Variants in ASIC2 observed in about 807,000 individuals in gnomAD.
ASIC2 encodes acid-sensing ion channel 2.
Under a neutral mutation model 57.3 loss-of-function variants are expected in ASIC2, and 25 were observed. That is an observed-to-expected ratio of 0.44 (90% CI 0.32 to 0.61). The LOEUF (loss-of-function observed/expected upper bound fraction) is 0.61. Ranked by LOEUF, ASIC2 falls within the 20% of genes least tolerant of loss-of-function variation. The pLI, the probability that ASIC2 is intolerant of heterozygous loss-of-function variation, is 0.06. For synonymous variants in ASIC2, 319 were observed against 307.5 expected, an observed-to-expected ratio of 1.04 and a Z score of -0.39; for missense variants, 641 against 738.1, an observed-to-expected ratio of 0.87 and a Z score of 1.52.
intron 1 of ASIC2, among the ~76,000 whole-genome samples, chr17:33,549,661 C>T (rs1226107961): frequency 2.6e-5 from 4 of 152,146 alleles, no homozygotes; most frequent in African/African-American, 4.8e-5. Context: ...AGATCCTTGG[C>T]ATTATGAAAG....
chr17:33,921,329 G>T (rs538778608), intron 1 of ASIC2, among the ~76,000 whole-genome samples: 1 of 152,214 alleles, frequency 6.6e-6, no homozygotes, highest in Admixed American at 6.5e-5. Flanking sequence ...GCAAGCAGAG[G>T]TCCTACCATG....
chr17:33,891,152 C>A (rs1227261987), intron 1 of ASIC2, among the ~76,000 whole-genome samples: 1 of 152,192 alleles, frequency 6.6e-6, no homozygotes, highest in African/African-American at 2.4e-5. Context: ...CCACCCTGTG[C>A]ACATCTGAAC....
intron 7 of ASIC2, among the ~76,000 whole-genome samples, chr17:33,019,887 CAGAG>C (rs1304675443): frequency 6.6e-6 from 1 of 151,640 alleles, no homozygotes; most frequent in Non-Finnish European, 1.5e-5. Context: ...AGCAGAGAGA[CAGAG>C]AAAGACTGTG....
intron 1 of ASIC2, among the ~76,000 whole-genome samples, chr17:33,122,330 T>G (rs2092305718): frequency 6.6e-6 from 1 of 152,164 alleles, no homozygotes; most frequent in Non-Finnish European, 1.5e-5. Flanking sequence ...GGAGCACATC[T>G]TAGTCTACGT....
intron 1 of ASIC2, among the ~76,000 whole-genome samples, chr17:33,200,197 T>G (rs1241300877): frequency 6.6e-6 from 1 of 152,190 alleles, no homozygotes; most frequent in African/African-American, 2.4e-5. Flanking sequence ...GAAATGGCTT[T>G]TTCTTCTTCT....
chr17:33,294,206 A>G (rs1168348540), upstream of ASIC2, among the ~76,000 whole-genome samples: 1 of 152,070 alleles, frequency 6.6e-6, no homozygotes, highest in African/African-American at 2.4e-5. Flanking sequence ...ACTCCATGAG[A>G]TAAAGGGGTT....
chr17:33,400,309 C>G (rs975526345), intron 1 of ASIC2, among the ~76,000 whole-genome samples: 1 of 152,186 alleles, frequency 6.6e-6, no homozygotes, highest in Non-Finnish European at 1.5e-5. Context: ...AAGCAGTGCT[C>G]AGGGAATCTG....
chr17:33,956,068 C>T (rs1904725425), intron 1 of ASIC2, among the ~76,000 whole-genome samples: 1 of 151,928 alleles, frequency 6.6e-6, no homozygotes, highest in Non-Finnish European at 1.5e-5. Flanking sequence ...AAGGTAGAGA[C>T]AAGTCAGAGG....
intron 1 of ASIC2, among the ~76,000 whole-genome samples, chr17:33,490,515 G>C (rs966018912): frequency 3.3e-5 from 5 of 152,186 alleles, no homozygotes; most frequent in African/African-American, 1.2e-4. Flanking sequence ...TTGAATCATG[G>C]GAGCAAGTGT....
intron 1 of ASIC2, among the ~76,000 whole-genome samples, chr17:33,896,984 G>C (rs978775501): frequency 6.6e-6 from 1 of 152,120 alleles, no homozygotes; most frequent in Non-Finnish European, 1.5e-5. Context: ...GAAGCTAGTT[G>C]GTCCTATTGA....
At chr17:34,009,201 C>T (rs1906630729) in intron 1 of ASIC2, among the ~76,000 whole-genome samples, 1 of 152,080 alleles carries the variant, frequency 6.6e-6, no homozygotes. Context: ...TGAACAGAGA[C>T]TATCGCCCTC....
chr17:33,283,813 C>T (rs1905050691), intron 1 of ASIC2, among the ~76,000 whole-genome samples: 1 of 152,126 alleles, frequency 6.6e-6, no homozygotes, highest in South Asian at 2.1e-4. Flanking sequence ...ACATCCTATC[C>T]AGGTATAATA....
intron 3 of ASIC2, among the ~76,000 whole-genome samples, chr17:33,029,159 C>A (rs1437689212): frequency 6.6e-6 from 1 of 152,164 alleles, no homozygotes; most frequent in African/African-American, 2.4e-5. Flanking sequence ...ATACAATGTA[C>A]AAATATTAAG....
At chr17:34,000,822 A>T (rs774442491) in intron 1 of ASIC2, 1 of 151,862 alleles carries the variant, frequency 6.6e-6, no homozygotes, top group African/African-American at 2.4e-5. Flanking sequence ...CTGTCTTTGA[A>T]CTCACTAAAT....
intron 3 of ASIC2, among the ~76,000 whole-genome samples, chr17:33,034,078 C>T (rs1454841741): frequency 3.3e-5 from 5 of 152,150 alleles, no homozygotes; most frequent in Non-Finnish European, 5.9e-5. Context: ...AGGGCCTCCT[C>T]GCTGCTGAGA....
intron 1 of ASIC2, among the ~76,000 whole-genome samples, chr17:33,591,551 CT>C (rs1449109597): frequency 1.1e-4 from 17 of 152,192 alleles, no homozygotes; most frequent in Admixed American, 2.6e-4. Context: ...CTCCAATATC[CT>C]TTCTGGGCCA....
At chr17:33,026,915 C>A (rs934664570) in intron 4 of ASIC2, among the ~76,000 whole-genome samples, 1 of 152,100 alleles carries the variant, frequency 6.6e-6, no homozygotes. Flanking sequence ...GACATGTTTC[C>A]CTGTTTGCTC....
At chr17:33,745,393 A>C (rs1463983381) in intron 1 of ASIC2, among the ~76,000 whole-genome samples, 2 of 137,628 alleles carry the variant, frequency 1.5e-5, no homozygotes, top group African/African-American at 5.1e-5. Flanking sequence ...TGGCTGAAAA[A>C]CCCCAAATTT....
chr17:33,881,548 T>G (rs1232555177), intron 1 of ASIC2, among the ~76,000 whole-genome samples: 1 of 152,114 alleles, frequency 6.6e-6, no homozygotes, highest in East Asian at 1.9e-4. Context: ...GGAATCCAAC[T>G]TACAAGGGAT....
Sources: allele counts gnomAD v4.1 joint callset (sites outside exome capture counted in the v4.1 genomes callset), GRCh38; gene constraint gnomAD v4.1.1; transcripts MANE v1.5; gene names NCBI Gene and HGNC (gene_info 2026-07-23, HGNC 2026-07-21).